Variants in COL4A2 observed in about 807,000 individuals in gnomAD.
COL4A2 encodes collagen alpha-2(IV) chain.
A neutral mutation model predicts 200.2 loss-of-function variants in COL4A2; 99 were observed. The observed-to-expected ratio is 0.49, with a 90% CI of 0.42 to 0.58. The LOEUF is 0.58. COL4A2 is among the 20% of genes least tolerant of loss of function. The probability of loss-of-function intolerance (pLI) is 0.00; values close to 1 mark genes in which losing one functional copy is unlikely to be tolerated. For synonymous variants in COL4A2, 897 were observed against 900.6 expected (o/e 1.00, Z 0.07); for missense variants, 1,950 against 2,314.1 (o/e 0.84, Z 3.23).
chr13:110,324,736 T>C lies in COL4A2; in HGVS notation c.99+16613T>C, dbSNP rs371989495. ...CTGGAGGGCTCTTCTGGCCTCGGGA[T>C]TGTTTCTGCCTTGAGTGGTTGCTTT... is the stretch of plus-strand genomic sequence containing the variant. On this transcript the variant is annotated intron_variant, in intron 3 of 47. Coordinates refer to ENST00000360467, the MANE Select transcript of COL4A2 (RefSeq NM_001846.4). Among the ~76,000 whole-genome samples, 15 of 152,286 alleles carry C rather than the reference T, an allele frequency of 9.8e-5. No individual in the cohort carries two copies. The East Asian group carries it at 1.9e-3, about 20-fold the overall frequency.
chr13:110,466,945 G>A lies in COL4A2; in HGVS notation c.2039-95G>A, dbSNP rs115480301. Reference sequence around the variant, plus strand: ...CTGATCCCAGAATGGTAGCCGGTTTGCACAGCTCGTGCTTTTGCCCTTGGG... The same window carrying A: ...CTGATCCCAGAATGGTAGCCGGTTTACACAGCTCGTGCTTTTGCCCTTGGG... On this transcript the variant is annotated intron_variant, in intron 26 of 47. Coordinates refer to ENST00000360467, the MANE Select transcript of COL4A2 (RefSeq NM_001846.4). 33,097 of 1,513,730 alleles carry A rather than the reference G, an allele frequency of 0.022. 463 individuals carry two copies. Among genetic ancestry groups the A allele is most frequent in the African/African-American group, 0.029 (2,087 of 72,608 alleles). 93.8% of individuals were successfully genotyped at this position (1,513,730 alleles called of 1,614,324 possible). A position where few individuals can be genotyped will look rare whatever the true frequency, so the allele number is the denominator to read the frequency against.
intron 4 of COL4A2, among the ~76,000 whole-genome samples, chr13:110,400,411 C>T (rs1055069068): frequency 6.6e-6 from 1 of 152,302 alleles, no homozygotes; most frequent in African/African-American, 2.4e-5. Flanking sequence ...GATTTCATAA[C>T]ACAGAAGCTA....
At position 110,511,073 on chromosome 13, in the gene COL4A2, T is replaced by C. The variant is rs112073137; in HGVS notation, c.4882-861T>C. On this transcript the variant is annotated intron_variant, in intron 47 of 47. Transcript: ENST00000360467. ...TTTCCCTGCAAACTGAACTGAGATA[T>C]TTCTATTCTAAGTAAACAGATTCCA... Among the ~76,000 whole-genome samples the C allele has an allele frequency of 3.6e-3, 545 of 152,208 alleles. 4 individuals are homozygous for C. Among genetic ancestry groups the C allele is most frequent in the Non-Finnish European group, 6.1e-3 (418 of 68,012 alleles).
chr13:110,414,266 C>G (rs1407631758), intron 4 of COL4A2, among the ~76,000 whole-genome samples: 3 of 152,194 alleles, frequency 2.0e-5, no homozygotes, highest in Non-Finnish European at 2.9e-5. Flanking sequence ...ACATGCCTCT[C>G]TCAAACCTTG....
intron 45 of COL4A2, among the ~76,000 whole-genome samples, chr13:110,505,070 G>A (rs1883795117): frequency 1.3e-5 from 2 of 152,004 alleles, no homozygotes; most frequent in African/African-American, 4.8e-5. Context: ...AAACATAGGG[G>A]CCGGGCGCGG....
intron 37 of COL4A2, among the ~76,000 whole-genome samples, 189 bp from the exon 38 acceptor site, chr13:110,491,880 AT>A (rs933366716): frequency 2.0e-5 from 3 of 152,318 alleles, no homozygotes; most frequent in African/African-American, 7.2e-5. Context: ...ATCCTATTGA[AT>A]TTGTATGTGG....
chr13:110,445,906 G>A (rs371537554), intron 17 of COL4A2, 24 bp downstream of exon 17: 2 of 1,613,912 alleles, frequency 1.2e-6, no homozygotes, highest in African/African-American at 2.7e-5. Flanking sequence ...TCATGTCTTT[G>A]CCACTTATGG....
At position 110,437,987 on chromosome 13, in the gene COL4A2, T is replaced by A. The variant is rs981831371; in HGVS notation, c.826-15T>A. On this transcript the variant is annotated splice_polypyrimidine_tract_variant and intron_variant, in intron 13 of 47. Coordinates refer to ENST00000360467, the MANE Select transcript of COL4A2 (RefSeq NM_001846.4). ...CAAATTAATAAGCGTTTCTTATTTT[T>A]CATATTCTTCACAGGGTGAAAAAGG... 6.2e-7 allele frequency: 1 copy of A among 1,610,050 alleles called. No individual in the cohort carries two copies. Among genetic ancestry groups the A allele is most frequent in the Non-Finnish European group, 8.5e-7 (1 of 1,176,564 alleles).
rs767721159 is a variant in COL4A2, at chr13:110,462,279, T to G, written c.1671T>G (p.Gly557=). Reference sequence around the variant, plus strand: ...CTTCACATGCAAATCCCTTTCTAGGTGAGCGGGGACAGCCCGGCGTCCCAG... The same window carrying G: ...CTTCACATGCAAATCCCTTTCTAGGGGAGCGGGGACAGCCCGGCGTCCCAG... ...KGDSRTITTK[G]ERGQPGVPGV... The change falls in exon 24 of 48, where the codon GGT becomes GGG. Residue 557 remains glycine (G), a splice_region_variant and synonymous_variant. Transcript: ENST00000360467. 3.1e-6 allele frequency: 5 copies of G among 1,614,058 alleles called. No individual in the cohort carries two copies. Among genetic ancestry groups the G allele is most frequent in the Non-Finnish European group, 4.2e-6 (5 of 1,180,038 alleles).
chr13:110,331,456 G>A (rs1397910234), intron 3 of COL4A2, among the ~76,000 whole-genome samples: 1 of 152,188 alleles, frequency 6.6e-6, no homozygotes, highest in Non-Finnish European at 1.5e-5. Context: ...AGCCGGCCGT[G>A]GCTGCCTTGG....
chr13:110,490,767 C>T (rs1335455584), intron 36 of COL4A2, among the ~76,000 whole-genome samples: 1 of 152,216 alleles, frequency 6.6e-6, no homozygotes, highest in Non-Finnish European at 1.5e-5. Flanking sequence ...TCTAATGATG[C>T]CTTCACTTGT....
At chr13:110,391,814 C>T (rs981519010) in intron 4 of COL4A2, among the ~76,000 whole-genome samples, 4 of 152,228 alleles carry the variant, frequency 2.6e-5, no homozygotes, top group African/African-American at 9.6e-5. Flanking sequence ...TGAGAGTGAA[C>T]CACTGCATTC....
intron 26 of COL4A2, 148 bp from the exon 27 acceptor site, chr13:110,466,892 C>A: frequency 3.0e-6 from 3 of 985,958 alleles, no homozygotes; most frequent in South Asian, 1.7e-5. Context: ...TACATCAGAA[C>A]CAAGATGAAT....
intron 4 of COL4A2, among the ~76,000 whole-genome samples, chr13:110,418,024 G>T (rs1880109289): frequency 6.6e-6 from 1 of 151,980 alleles, no homozygotes; most frequent in Non-Finnish European, 1.5e-5. Flanking sequence ...GGAATTCGAG[G>T]TGCCATCCTT....
chr13:110,487,123 G>A (rs1282817764), intron 34 of COL4A2, among the ~76,000 whole-genome samples: 1 of 152,186 alleles, frequency 6.6e-6, no homozygotes, highest in East Asian at 1.9e-4. Flanking sequence ...GTATCTTCTA[G>A]CCAGTCTGTG....
chr13:110,422,160 G>C (rs538903388), intron 4 of COL4A2, among the ~76,000 whole-genome samples: 5 of 152,276 alleles, frequency 3.3e-5, no homozygotes, highest in Admixed American at 3.3e-4. Flanking sequence ...CAAACCGCAG[G>C]CCTCAACATA....
At chr13:110,354,424 A>G (rs538590517) in intron 3 of COL4A2, among the ~76,000 whole-genome samples, 39 of 152,196 alleles carry the variant, frequency 2.6e-4, no homozygotes, top group Non-Finnish European at 5.4e-4. Context: ...ATTGCAGATA[A>G]ACATTGGAGC....
At chr13:110,487,046 G>T (rs1378117900) in intron 34 of COL4A2, among the ~76,000 whole-genome samples, 1 of 152,204 alleles carries the variant, frequency 6.6e-6, no homozygotes, top group Non-Finnish European at 1.5e-5. Flanking sequence ...TGTCTGTCTG[G>T]CCCACCTTGG....
intron 17 of COL4A2, among the ~76,000 whole-genome samples, chr13:110,446,484 T>C (rs1467366105): frequency 6.6e-6 from 1 of 152,170 alleles, no homozygotes; most frequent in African/African-American, 2.4e-5. Flanking sequence ...GCGGCTCGGC[T>C]ATCACTACCC....
Sources: allele counts gnomAD v4.1 joint callset (sites outside exome capture counted in the v4.1 genomes callset), GRCh38; gene constraint gnomAD v4.1.1; transcripts MANE v1.5; gene names NCBI Gene and HGNC (gene_info 2026-07-23, HGNC 2026-07-21).